The following ADGRA2 variants were observed in gnomAD, a reference collection of about 807,000 sequenced individuals.
ADGRA2 encodes the protein G-protein coupled receptor 124.
A neutral mutation model predicts 98.7 loss-of-function variants in ADGRA2; 61 were observed. The observed-to-expected ratio is 0.62, with a 90% confidence interval of 0.50 to 0.76. The LOEUF is 0.76. ADGRA2 is among the 30% of genes least tolerant of loss of function. The probability of loss-of-function intolerance (pLI) is 0.00; values close to 1 mark genes in which losing one functional copy is unlikely to be tolerated. For synonymous variants in ADGRA2, 858 were observed against 831.5 expected (o/e 1.03, Z -0.55); for missense variants, 1,712 against 1,860.0 (o/e 0.92, Z 1.46).
rs373752709 is a variant in ADGRA2, at chr8:37,833,842, G to A, written c.1446+5G>A. ...TATGTCGACCAGATCAAAGAGGTGAGACTCAGCTGGAACTCAGGAGCTCGG... is the reference window on the plus strand; with the variant it reads ...TATGTCGACCAGATCAAAGAGGTGAAACTCAGCTGGAACTCAGGAGCTCGG... On this transcript the variant is annotated splice_donor_5th_base_variant and intron_variant, in intron 10 of 18. Coordinates refer to ENST00000412232, the MANE Select transcript of ADGRA2 (RefSeq NM_032777.10). 1.3e-4 allele frequency: 208 copies of A among 1,613,776 alleles called. No homozygotes were observed. The highest frequency in any genetic ancestry group is 1.7e-4 in the Non-Finnish European group (201 of 1,179,790).
chr8:37,842,440 AGCAGGTTGGAG>A lies in ADGRA2; in HGVS notation c.*90_*100del. On this transcript the variant is annotated 3_prime_UTR_variant, in exon 19 of 19. Coordinates refer to ENST00000412232, the MANE Select transcript of ADGRA2 (RefSeq NM_032777.10). ...GGCCCTCCAAGGTGTCTCCGTAGTC[AGCAGGTTGGAG>A]GCAGAGGAGCCGATGGCTGGAGGAA... 7.2e-7 allele frequency: 1 copy of A among 1,387,978 alleles called. No homozygotes were observed. Among genetic ancestry groups the A allele is most frequent in the Non-Finnish European group, 9.3e-7 (1 of 1,071,058 alleles). 86.0% of individuals were successfully genotyped at this position (1,387,978 alleles called of 1,614,324 possible).
At chr8:37,821,884 G>A (rs373659580) in intron 2 of ADGRA2, among the ~76,000 whole-genome samples, 1 of 152,306 alleles carries the variant, frequency 6.6e-6, no homozygotes, top group East Asian at 1.9e-4. Flanking sequence ...CTTGCCCAAC[G>A]CCAGGTGGCT....
rs763448627 is a variant in ADGRA2 at position 37,840,833 on chromosome 8, C to A, written c.2731C>A (p.Arg911=). ...AGCTGCAGTCAACATCCACAACTAC[C>A]GGGACCACAGCCCCTAGTGAGCACC... ...ITAAVNIHNY[R]DHSPYCWLVW... is the part of the protein sequence containing the mutation. The change falls in exon 18 of 19, where the codon CGG becomes AGG. Residue 911 remains arginine (R), a synonymous_variant. Coordinates refer to ENST00000412232, the MANE Select transcript of ADGRA2 (RefSeq NM_032777.10). The A allele has an allele frequency of 6.2e-7, 1 of 1,601,360 alleles. No individual in the cohort carries two copies. The highest frequency in any genetic ancestry group is 1.7e-5 in the Admixed American group (1 of 59,948).
rs1563351741 is a variant in ADGRA2 at position 37,836,088 on chromosome 8, CA to C, written c.2050+319del. ...ACACACACACACACACACACACACA[CA>C]CACACACACCCCACAGGCCCAATGC... On this transcript the variant is annotated intron_variant, in intron 13 of 18. Coordinates refer to ENST00000412232, the MANE Select transcript of ADGRA2 (RefSeq NM_032777.10). Among the ~76,000 whole-genome samples, 693 of 134,136 alleles carry C rather than the reference CA, an allele frequency of 5.2e-3. 6 individuals are homozygous for C. Among genetic ancestry groups the C allele is most frequent in the African/African-American group, 0.017 (573 of 34,388 alleles). 88.0% of individuals were successfully genotyped at this position (134,136 alleles called of 152,430 possible). A position where few individuals can be genotyped will look rare whatever the true frequency, so the allele number is the denominator to read the frequency against.
chr8:37,843,040 G>C lies in ADGRA2; in HGVS notation c.*685G>C, dbSNP rs1486554166. The C allele has an allele frequency of 6.6e-6, 1 of 152,344 alleles. No homozygotes were observed. Among genetic ancestry groups the C allele is most frequent in the African/African-American group, 2.4e-5 (1 of 41,436 alleles). 9.4% of individuals were successfully genotyped at this position (152,344 alleles called of 1,614,324 possible). A position where few individuals can be genotyped will look rare whatever the true frequency, so the allele number is the denominator to read the frequency against. ...GAGTGGTACTTAAACCAGACAGCAG[G>C]GTTCAGAGGTGGCACACCGGGACAA... On this transcript the variant is annotated 3_prime_UTR_variant, in exon 19 of 19. Transcript: ENST00000412232.
Position 37,843,471 on chromosome 8 carries a change from C to T in ADGRA2, c.*1116C>T, listed in dbSNP as rs1485629170. 6.6e-6 allele frequency: 1 copy of T among 152,264 alleles called. No homozygotes were observed. The highest frequency in any genetic ancestry group is 1.9e-4 in the East Asian group (1 of 5,200). 9.4% of individuals were successfully genotyped at this position (152,264 alleles called of 1,614,324 possible). A position where few individuals can be genotyped will look rare whatever the true frequency, so the allele number is the denominator to read the frequency against. Reference sequence around the variant, plus strand: ...CCTGCAGGTCATGAGGGGCCTATGCCTTTACTCCTTTTAAACACCAGCACC... The same window carrying T: ...CCTGCAGGTCATGAGGGGCCTATGCTTTTACTCCTTTTAAACACCAGCACC... On this transcript the variant is annotated 3_prime_UTR_variant, in exon 19 of 19. Coordinates refer to ENST00000412232, the MANE Select transcript of ADGRA2 (RefSeq NM_032777.10).
chr8:37,833,618 G>C (rs1359981015), intron 9 of ADGRA2, 70 bp from the exon 10 acceptor site: 2 of 1,518,972 alleles, frequency 1.3e-6, no homozygotes, highest in South Asian at 2.4e-5. Flanking sequence ...ACAGAGCAGA[G>C]GGTCCCCAGG....
At chr8:37,835,107 G>A in intron 11 of ADGRA2, 67 bp from the exon 12 acceptor site, 4 of 1,151,752 alleles carry the variant, frequency 3.5e-6, no homozygotes, top group Non-Finnish European at 5.2e-6. Flanking sequence ...CCCATTGAGA[G>A]AGATGTGCAG....
rs1805906036 is a variant in ADGRA2 at position 37,844,305 on chromosome 8, T to G, written c.*1950T>G. 1 of 680,106 alleles carries G rather than the reference T, an allele frequency of 1.5e-6. No homozygotes were observed. Among genetic ancestry groups the G allele is most frequent in the Non-Finnish European group, 2.5e-6 (1 of 398,796 alleles). The allele number at this position is 680,106 out of a possible 1,614,324, so 42.1% of individuals were successfully genotyped here. On this transcript the variant is annotated 3_prime_UTR_variant, in exon 19 of 19. Transcript: ENST00000412232. ...CCAAGGGATGGGAATCTCTCCTACC[T>G]ATAGTCATCCCTGCACTCCTGACTT...
Position 37,797,327 on chromosome 8 carries a change from T to TGCC in ADGRA2, c.61_63dup (p.Pro21dup). On this transcript the variant is annotated inframe_insertion, in exon 1 of 19. Transcript: ENST00000412232. This position sits in a 1 kb window ranked among gnomAD's most constrained non-coding sequence, Gnocchi z 5.3. The stretch of plus-strand genomic sequence containing the variant: ...CCCGCGCGCCTGCTGCTGCCGCTGC[T>TGCC]GCCGTGGCTCCTGCTGCTCCTGGCG... 7.4e-7 allele frequency: 1 copy of TGCC among 1,348,150 alleles called. No individual in the cohort carries two copies. Among genetic ancestry groups the TGCC allele is most frequent in the Non-Finnish European group, 9.5e-7 (1 of 1,056,908 alleles). The allele number at this position is 1,348,150 out of a possible 1,614,324, so 83.5% of individuals were successfully genotyped here. A position where few individuals can be genotyped will look rare whatever the true frequency, so the allele number is the denominator to read the frequency against.
At position 37,797,356 on chromosome 8, in the gene ADGRA2, G is replaced by A. The variant is rs1804359522; in HGVS notation, c.88G>A (p.Glu30Lys). 4 of 1,409,144 alleles carry A rather than the reference G, an allele frequency of 2.8e-6. No homozygotes were observed. The highest frequency in any genetic ancestry group is 3.0e-5 in the Admixed American group (1 of 32,948). 87.3% of individuals were successfully genotyped at this position (1,409,144 alleles called of 1,614,324 possible). ...LPWLLLLLAP[E>K]ARGAPGCPLS... ...GTGGCTCCTGCTGCTCCTGGCGCCC[G>A]AGGCTCGGGGCGCGCCCGGCTGCCC... is the stretch of plus-strand genomic sequence containing the variant. The change falls in exon 1 of 19, where the codon GAG becomes AAG. Residue 30 changes from glutamate (E) to lysine (K), a missense_variant. Transcript: ENST00000412232. The surrounding 1 kb of genome is among the most constrained non-coding windows in gnomAD (Gnocchi z 5.3).
chr8:37,842,300 T>C lies in ADGRA2; in HGVS notation c.3962T>C (p.Val1321Ala). ...GACGTCACCCTGATGGGCGCGGAGG[T>C]AGCCAGCGGCGGCTGCATGAAGACC... ...YDDVTLMGAE[V>A]ASGGCMKTGL... Residue 1321 changes from valine (V) to alanine (A), a missense_variant, in exon 19 of 19, where the codon GTA (valine) becomes GCA (alanine). By Grantham distance (64) the Val-to-Ala change is moderately conservative. Transcript: ENST00000412232. 6.4e-7 allele frequency: 1 copy of C among 1,551,082 alleles called. No homozygotes were observed. The highest frequency in any genetic ancestry group is 2.4e-5 in the East Asian group (1 of 41,230).
chr8:37,803,103 G>C (rs1305096586), intron 1 of ADGRA2, among the ~76,000 whole-genome samples: 2 of 152,170 alleles, frequency 1.3e-5, no homozygotes, highest in African/African-American at 2.4e-5. Flanking sequence ...AGTGTAATTT[G>C]AACCTAACCA....
chr8:37,837,722 C>T lies in ADGRA2; in HGVS notation c.2051-9C>T, dbSNP rs1419913615. On this transcript the variant is annotated splice_polypyrimidine_tract_variant and intron_variant, in intron 13 of 18. Transcript: ENST00000412232. ...GTGTGTCTGTGTGGACGTCCCTCTC[C>T]CGCTGTAGGTGGCTGTGGCGTGGGA... The T allele has an allele frequency of 2.6e-6, 4 of 1,550,324 alleles. No homozygotes were observed. The East Asian group carries it at 9.8e-5, about 38-fold the overall frequency.
chr8:37,841,383 G>C lies in ADGRA2; in HGVS notation c.3045G>C (p.Pro1015=), dbSNP rs764809137. 1 of 1,611,066 alleles carries C rather than the reference G, an allele frequency of 6.2e-7. No homozygotes were observed. Residue 1015 remains proline (P), a synonymous_variant, in exon 19 of 19, where the codon CCG becomes CCC. Transcript: ENST00000412232. This position sits in a 1 kb window ranked among gnomAD's most constrained non-coding sequence, Gnocchi z 5.0. ...AGGATGGTGACAGCCTCTATTCTCC[G>C]GGAGTCCAGCTAGGGGCGCTGGTGA... ...PPEDGDSLYS[P]GVQLGALVTT...
Position 37,811,131 on chromosome 8 carries a change from A to C in ADGRA2, c.267-3765A>C, listed in dbSNP as rs549190141. On this transcript the variant is annotated intron_variant, in intron 1 of 18. Transcript: ENST00000412232. The stretch of plus-strand genomic sequence containing the variant: ...TCTGTCTCAAAAACAAAAAAAAAAA[A>C]AAAAAAAAAGAACTTTTATACTGTG... Among the ~76,000 whole-genome samples, 509 of 148,132 alleles carry C rather than the reference A, an allele frequency of 3.4e-3. 10 individuals carry two copies. Among genetic ancestry groups the C allele is most frequent in the African/African-American group, 0.012 (479 of 40,494 alleles).
intron 11 of ADGRA2, 93 bp from the exon 12 acceptor site, chr8:37,835,081 C>T (rs1288834641): frequency 3.5e-6 from 3 of 863,340 alleles, no homozygotes; most frequent in Non-Finnish European, 5.7e-6. Flanking sequence ...AAGGGGAGGA[C>T]TACAGCCTGA....
chr8:37,833,943 T>C (rs1805533209), intron 10 of ADGRA2, 24 bp from the exon 11 acceptor site: 1 of 1,608,060 alleles, frequency 6.2e-7, no homozygotes, highest in Admixed American at 1.7e-5. Context: ...GCCCCTGCCC[T>C]CAGCAACTTC....
intron 2 of ADGRA2, among the ~76,000 whole-genome samples, chr8:37,818,842 G>T (rs1805052673): frequency 6.6e-6 from 1 of 152,230 alleles, no homozygotes; most frequent in South Asian, 2.1e-4. Flanking sequence ...GCTATTTTAT[G>T]TAGTGAGGTC....
Sources: gnomAD v4.1 joint callset for allele counts (sites outside exome capture counted in the v4.1 genomes callset) on GRCh38, gnomAD v4.1.1 for gene constraint, Gnocchi (gnomAD v3.1) non-coding constraint, MANE v1.5 for transcripts, NCBI Gene and HGNC (gene_info 2026-07-23, HGNC 2026-07-21) for gene names.